Variants in DNAL1 observed in about 807,000 individuals in gnomAD.
DNAL1 encodes chromosome 14 open reading frame 168.
In DNAL1, 17 loss-of-function variants were observed where a neutral mutation model predicts 29.4. The observed-to-expected ratio is 0.58, with a 90% CI of 0.40 to 0.87. DNAL1 has a LOEUF of 0.87. Among genes scored for constraint, DNAL1 ranks in the 40% least tolerant of loss-of-function variants. The probability of loss-of-function intolerance (pLI) is 0.00; values close to 1 mark genes in which losing one functional copy is unlikely to be tolerated. For missense variants in DNAL1, 188 were observed against 214.1 expected, an observed-to-expected ratio of 0.88 and a Z score of 0.76; for synonymous variants, 78 against 76.3, an observed-to-expected ratio of 1.02 and a Z score of -0.12.
intron 2 of DNAL1, among the ~76,000 whole-genome samples, chr14:73,656,824 C>T (rs771605843): frequency 1.3e-5 from 2 of 152,038 alleles, no homozygotes; most frequent in Non-Finnish European, 2.9e-5. Flanking sequence ...TCAATTTCTC[C>T]TCCTCTAACC....
intron 5 of DNAL1, among the ~76,000 whole-genome samples, chr14:73,672,313 C>G (rs1032870403): frequency 6.6e-6 from 1 of 152,052 alleles, no homozygotes; most frequent in African/African-American, 2.4e-5. Context: ...GCTGGAAATT[C>G]TTAAGGGTCA....
chr14:73,687,862 G>A (rs1299253239), intron 6 of DNAL1, among the ~76,000 whole-genome samples: 11 of 152,188 alleles, frequency 7.2e-5, no homozygotes, highest in Admixed American at 7.2e-4. Flanking sequence ...AGCAGAGCAA[G>A]ACTCCGTCTC....
chr14:73,700,504 A>C lies in DNAL1; in HGVS notation c.*4562A>C, dbSNP rs1393555423. 2 of 152,226 alleles carry C rather than the reference A, an allele frequency of 1.3e-5. No individual in the cohort carries two copies. The highest frequency in any genetic ancestry group is 3.8e-4 in the East Asian group (2 of 5,204). 9.4% of individuals were successfully genotyped at this position (152,226 alleles called of 1,614,324 possible). On this transcript the variant is annotated 3_prime_UTR_variant, in exon 8 of 8. Coordinates refer to ENST00000553645, the MANE Select transcript of DNAL1 (RefSeq NM_031427.4). ...TGTTGACTTATTCTGAGAATTGGTG[A>C]TGTGTAAAGAGAGTTGGAATCTTCT...
intron 7 of DNAL1, among the ~76,000 whole-genome samples, chr14:73,690,037 C>CAAA (rs569314573): frequency 9.0e-5 from 3 of 33,286 alleles, no homozygotes; most frequent in African/African-American, 2.3e-4. Flanking sequence ...AATTCCGTCT[C>CAAA]AAAAAAAAAA....
At chr14:73,691,514 A>G (rs1371979826) in intron 7 of DNAL1, among the ~76,000 whole-genome samples, 7 of 152,030 alleles carry the variant, frequency 4.6e-5, no homozygotes, top group Non-Finnish European at 8.8e-5. Context: ...ATGCCACTGC[A>G]CTCCAGCCTG....
rs1420995427 is a variant in DNAL1 at position 73,702,487 on chromosome 14, T to C, written c.*6545T>C. 2.6e-5 allele frequency: 4 copies of C among 152,062 alleles called. No homozygotes were observed. The East Asian group carries it at 5.8e-4, about 22-fold the overall frequency. 9.4% of individuals were successfully genotyped at this position (152,062 alleles called of 1,614,324 possible). ...GTTTTTTTTTCTTAGTAGGTTTTTT[T>C]CTCCCAGGCTTGTAACTCTTCCCCA... On this transcript the variant is annotated 3_prime_UTR_variant, in exon 8 of 8. Transcript: ENST00000553645.
At chr14:73,675,476 A>G (rs1235529671) in intron 5 of DNAL1, among the ~76,000 whole-genome samples, 2 of 151,588 alleles carry the variant, frequency 1.3e-5, no homozygotes, top group African/African-American at 4.8e-5. Flanking sequence ...ATTAAAAAAA[A>G]AATTTTTTTT....
At chr14:73,670,300 A>C (rs1471959597) in intron 4 of DNAL1, among the ~76,000 whole-genome samples, 2 of 152,216 alleles carry the variant, frequency 1.3e-5, no homozygotes, top group African/African-American at 2.4e-5. Context: ...ATAGTTATTA[A>C]GCACTATGAA....
intron 5 of DNAL1, among the ~76,000 whole-genome samples, chr14:73,676,676 G>C (rs1414333736): frequency 6.6e-6 from 1 of 150,760 alleles, no homozygotes; most frequent in Admixed American, 6.6e-5. Flanking sequence ...TTTTTTTCTT[G>C]GGTGAGGAGT....
intron 5 of DNAL1, among the ~76,000 whole-genome samples, chr14:73,680,526 CATTATA>C (rs753319892): frequency 6.6e-6 from 1 of 152,102 alleles, no homozygotes; most frequent in Non-Finnish European, 1.5e-5. Context: ...TAAATTGACA[CATTATA>C]ATTATACTTA....
At chr14:73,677,566 A>AT (rs892152923) in intron 5 of DNAL1, among the ~76,000 whole-genome samples, 2 of 146,082 alleles carry the variant, frequency 1.4e-5, no homozygotes, top group Non-Finnish European at 3.0e-5. Flanking sequence ...TTATTTATTT[A>AT]TTTTTTTTGA....
At chr14:73,658,798 T>C in intron 2 of DNAL1, 49 bp from the exon 3 acceptor site, 1 of 1,438,930 alleles carries the variant, frequency 6.9e-7, no homozygotes, top group East Asian at 2.3e-5. Flanking sequence ...CTCTTTTGTT[T>C]CCACATTGCA....
At chr14:73,650,681 G>A (rs984094349) in intron 1 of DNAL1, among the ~76,000 whole-genome samples, 2 of 151,854 alleles carry the variant, frequency 1.3e-5, no homozygotes, top group African/African-American at 2.4e-5. Flanking sequence ...TTGCTATGGT[G>A]CCCAGGCTGT....
At chr14:73,695,048 C>CTTTTTTTTTTT (rs71112798) in intron 7 of DNAL1, among the ~76,000 whole-genome samples, 2 of 60,886 alleles carry the variant, frequency 3.3e-5, no homozygotes, top group African/African-American at 1.4e-4. Flanking sequence ...TACTTGTTGG[C>CTTTTTTTTTTT]TTTTTTTTTT....
chr14:73,671,739 A>C (rs45599532), intron 5 of DNAL1, 142 bp downstream of exon 5: 1 of 1,010,794 alleles, frequency 9.9e-7, no homozygotes, highest in Non-Finnish European at 1.3e-6. Flanking sequence ...TTCTCAAGTT[A>C]CCCTTCAATA....
At chr14:73,684,885 C>G (rs929616569) in intron 5 of DNAL1, among the ~76,000 whole-genome samples, 9 of 152,080 alleles carry the variant, frequency 5.9e-5, no homozygotes, top group African/African-American at 2.2e-4. Context: ...CAGATCGAGA[C>G]TCTGTCTCTA....
At chr14:73,657,283 C>T (rs62004913) in intron 2 of DNAL1, among the ~76,000 whole-genome samples, 33,682 of 152,108 alleles carry the variant, frequency 0.22, 5,007 homozygotes, top group Non-Finnish European at 0.33. Context: ...TCAAGTGATC[C>T]TCCCACCTCA....
In DNAL1 at chr14:73,700,016, G is replaced by A. The variant is rs916907836; in HGVS notation, c.*4074G>A. 3.3e-5 allele frequency: 5 copies of A among 152,224 alleles called. No individual in the cohort carries two copies. The highest frequency in any genetic ancestry group is 1.2e-4 in the African/African-American group (5 of 41,460). 9.4% of individuals were successfully genotyped at this position (152,224 alleles called of 1,614,324 possible). A position where few individuals can be genotyped will look rare whatever the true frequency, so the allele number is the denominator to read the frequency against. On this transcript the variant is annotated 3_prime_UTR_variant, in exon 8 of 8. Transcript: ENST00000553645. Reference sequence around the variant, plus strand: ...AGATAACTGGTCAATAACTTGGTATGGCTACTGGATTCATTCCACATATGG... The same window carrying A: ...AGATAACTGGTCAATAACTTGGTATAGCTACTGGATTCATTCCACATATGG...
intron 5 of DNAL1, among the ~76,000 whole-genome samples, chr14:73,676,969 T>A (rs1029473439): frequency 2.6e-5 from 4 of 151,112 alleles, no homozygotes; most frequent in African/African-American, 9.7e-5. Context: ...ATTCATTTTT[T>A]TTTTTTTTTT....
Sources: allele counts gnomAD v4.1 joint callset (sites outside exome capture counted in the v4.1 genomes callset), GRCh38; gene constraint gnomAD v4.1.1; transcripts MANE v1.5; gene names NCBI Gene and HGNC (gene_info 2026-07-23, HGNC 2026-07-21).